Variants in TAF2 observed in about 807,000 individuals in gnomAD.
The protein encoded by TAF2 is transcription initiation factor TFIID subunit 2.
TAF2 carries 61 observed loss-of-function variants against 138.5 expected under a neutral mutation model. That is an observed-to-expected ratio of 0.44 (90% CI 0.36 to 0.54). TAF2 has a LOEUF of 0.54. TAF2 is among the 20% of genes least tolerant of loss of function. TAF2 has a pLI of 0.00. For synonymous variants in TAF2, 475 were observed against 469.9 expected, an observed-to-expected ratio of 1.01 and a Z score of -0.14; for missense variants, 1,090 against 1,427.9, an observed-to-expected ratio of 0.76 and a Z score of 3.81.
chr8:119,809,168 G>A (rs907226447), intron 3 of TAF2, among the ~76,000 whole-genome samples: 5 of 152,170 alleles, frequency 3.3e-5, no homozygotes, highest in Non-Finnish European at 7.4e-5. Flanking sequence ...TAAATCTTCT[G>A]GATAACTTGC....
At chr8:119,831,757 A>G (rs754248981) in intron 1 of TAF2, 26 bp from the exon 2 acceptor site, 22 of 1,435,294 alleles carry the variant, frequency 1.5e-5, no homozygotes, top group Non-Finnish European at 2.0e-5. Context: ...TAAAAAGAAA[A>G]TAAGGAAAAA....
Position 119,746,827 on chromosome 8 carries a change from G to C in TAF2, c.2986C>G (p.Leu996Val). Residue 996 changes from leucine to valine, a missense_variant, in exon 23 of 26, where the codon CTT becomes GTT. By Grantham distance (32) the Leu-to-Val change is conservative. This residue lies in a region of TAF2 where 580 missense variants were observed against 719.6 expected (regional missense o/e 0.81). Coordinates refer to ENST00000378164, the MANE Select transcript of TAF2 (RefSeq NM_003184.4). ...ACAGCTTTTTTCTCCTTTAGATTAA[G>C]AACCAACCCAAGCTCTGGCAAGGGT... is the stretch of plus-strand genomic sequence containing the variant. ...CLPLPELGLVLNLKEKKAVLN... is the reference protein window; with the variant it reads ...CLPLPELGLVVNLKEKKAVLN... 1 of 1,614,078 alleles carries C rather than the reference G, an allele frequency of 6.2e-7. No individual in the cohort carries two copies.
chr8:119,828,792 T>C (rs1586559450), intron 2 of TAF2, among the ~76,000 whole-genome samples: 1 of 152,194 alleles, frequency 6.6e-6, no homozygotes, highest in East Asian at 1.9e-4. Flanking sequence ...TGAACTGTCA[T>C]CTCTCACACT....
chr8:119,792,319 T>C (rs960898879), intron 10 of TAF2, among the ~76,000 whole-genome samples: 5 of 152,040 alleles, frequency 3.3e-5, no homozygotes, highest in African/African-American at 9.6e-5. Flanking sequence ...GCCTGGCTAA[T>C]TTTTGTATTT....
At chr8:119,822,124 T>C (rs1825838371) in intron 2 of TAF2, among the ~76,000 whole-genome samples, 1 of 152,158 alleles carries the variant, frequency 6.6e-6, no homozygotes, top group Admixed American at 6.6e-5. Flanking sequence ...CTGCTTATCC[T>C]TTGTGTTCAT....
chr8:119,804,221 C>T (rs1415721407), intron 4 of TAF2, among the ~76,000 whole-genome samples: 1 of 152,186 alleles, frequency 6.6e-6, no homozygotes, highest in Non-Finnish European at 1.5e-5. Context: ...TTTTCTACCT[C>T]CAATCAATTA....
At chr8:119,786,750 T>C (rs201481475) in intron 14 of TAF2, among the ~76,000 whole-genome samples, 1 of 152,026 alleles carries the variant, frequency 6.6e-6, no homozygotes, top group African/African-American at 2.4e-5. Context: ...GGTGAAACCC[T>C]GTCTCTACTA....
intron 18 of TAF2, among the ~76,000 whole-genome samples, chr8:119,773,898 G>A (rs1006277810): frequency 6.6e-5 from 10 of 151,652 alleles, no homozygotes; most frequent in African/African-American, 1.4e-4. Flanking sequence ...TTGGCCAGGC[G>A]CGATGGCTCA....
At position 119,817,865 on chromosome 8, in the gene TAF2, G is replaced by A. The variant is rs775810230; in HGVS notation, c.299+1481C>T. Among the ~76,000 whole-genome samples, 17 of 152,120 alleles carry A rather than the reference G, an allele frequency of 1.1e-4. 1 individual carries two copies. The highest frequency in any genetic ancestry group is 2.4e-4 in the Non-Finnish European group (16 of 68,032). ...ATTAGTGTATACTAACTTCCCCAAAGGTAGAAGTTTTTGTTTTTGTTTTCT... is the reference window on the plus strand; with the variant it reads ...ATTAGTGTATACTAACTTCCCCAAAAGTAGAAGTTTTTGTTTTTGTTTTCT... On this transcript the variant is annotated intron_variant, in intron 3 of 25. Transcript: ENST00000378164.
intron 2 of TAF2, among the ~76,000 whole-genome samples, chr8:119,829,174 C>A (rs1332801629): frequency 6.6e-6 from 1 of 152,186 alleles, no homozygotes; most frequent in Non-Finnish European, 1.5e-5. Context: ...CAATACCCTA[C>A]GAGTTGCATT....
At position 119,760,642 on chromosome 8, in the gene TAF2, G is replaced by A; in HGVS notation, c.2655C>T (p.Asp885=). Residue 885 remains aspartate, a synonymous_variant, in exon 20 of 26, where the codon GAC becomes GAT. Coordinates refer to ENST00000378164, the MANE Select transcript of TAF2 (RefSeq NM_003184.4). ...CTGCTTCCAAAGCTGCTATCCTAAT[G>A]TCCACAAAGTGGCCATATTCAGCAT... ...KSYAEYGHFV[D]IRIAALEAVV... is the part of the protein sequence containing the mutation. The A allele has an allele frequency of 6.2e-7, 1 of 1,613,778 alleles. No homozygotes were observed. Among genetic ancestry groups the A allele is most frequent in the East Asian group, 2.2e-5 (1 of 44,850 alleles).
At chr8:119,764,116 A>T (rs1348311300) in intron 18 of TAF2, among the ~76,000 whole-genome samples, 1 of 152,132 alleles carries the variant, frequency 6.6e-6, no homozygotes, top group Non-Finnish European at 1.5e-5. Context: ...ACTGCACTCC[A>T]GCCTGGGTGA....
chr8:119,740,692 A>AAAGAAGAAG (rs141250378), intron 25 of TAF2, among the ~76,000 whole-genome samples: 6 of 137,602 alleles, frequency 4.4e-5, no homozygotes, highest in South Asian at 2.2e-4. Context: ...AAAGAAAAGA[A>AAAGAAGAAG]AAGAAGAAGA....
chr8:119,775,891 G>A (rs1480357957), intron 18 of TAF2, among the ~76,000 whole-genome samples: 2 of 152,090 alleles, frequency 1.3e-5, no homozygotes, highest in Non-Finnish European at 2.9e-5. Flanking sequence ...TAAAACACTA[G>A]ATGACTTATG....
At chr8:119,795,396 T>C (rs1306643659) in intron 9 of TAF2, 136 bp downstream of exon 9, 5 of 798,920 alleles carry the variant, frequency 6.3e-6, no homozygotes, top group Non-Finnish European at 1.1e-5. Flanking sequence ...AGACCATTAG[T>C]CTTTCTCAGT....
Position 119,806,273 on chromosome 8 carries a change from G to C in TAF2, c.418+10C>G. ...TTTAGTGTACAGTCAATATACTCTT[G>C]GTGCTTTACCATCAACGTGTTTCCA... On this transcript the variant is annotated intron_variant, in intron 4 of 25. Coordinates refer to ENST00000378164, the MANE Select transcript of TAF2 (RefSeq NM_003184.4). 1.2e-6 allele frequency: 2 copies of C among 1,603,912 alleles called. No individual in the cohort carries two copies. Among genetic ancestry groups the C allele is most frequent in the Non-Finnish European group, 1.7e-6 (2 of 1,171,024 alleles).
At chr8:119,769,070 G>T (rs1192090376) in intron 18 of TAF2, among the ~76,000 whole-genome samples, 1 of 152,164 alleles carries the variant, frequency 6.6e-6, no homozygotes, top group Non-Finnish European at 1.5e-5. Flanking sequence ...AGCTCCACCA[G>T]CCACCCCCGT....
chr8:119,762,471 G>C lies in TAF2; in HGVS notation c.2502C>G (p.Thr834=), dbSNP rs143004155. 3 of 1,613,922 alleles carry C rather than the reference G, an allele frequency of 1.9e-6. No individual in the cohort carries two copies. In the South Asian group the frequency reaches 3.3e-5, roughly 18 times the overall value. Residue 834 remains threonine (T), a synonymous_variant, in exon 19 of 26, where the codon ACC becomes ACG. Coordinates refer to ENST00000378164, the MANE Select transcript of TAF2 (RefSeq NM_003184.4). ...GAAGTTTTTCCATATTCAAAAATCT[G>C]GTGATTTCTTCAAGAATGAGTCGCA... is the stretch of plus-strand genomic sequence containing the variant. ...PDVRLILEEI[T]RFLNMEKLLP...
intron 18 of TAF2, 75 bp from the exon 19 acceptor site, chr8:119,762,683 T>C (rs972260173): frequency 8.8e-6 from 12 of 1,356,184 alleles, no homozygotes; most frequent in Non-Finnish European, 1.2e-5. Flanking sequence ...AAAATTTGTA[T>C]AATTACATTT....
Sources: gnomAD v4.1 joint callset for allele counts (sites outside exome capture counted in the v4.1 genomes callset) on GRCh38, gnomAD v4.1.1 for gene constraint, gnomAD v4.1.1 regional missense constraint, MANE v1.5 for transcripts, NCBI Gene and HGNC (gene_info 2026-07-23, HGNC 2026-07-21) for gene names.